Variants in PILRA observed in about 807,000 individuals in gnomAD.
PILRA encodes the protein paired immunoglobin like type 2 receptor alpha.
A neutral mutation model predicts 33.1 loss-of-function variants in PILRA; 37 were observed. The observed-to-expected ratio is 1.12, with a 90% CI of 0.86 to 1.47. The LOEUF (loss-of-function observed/expected upper bound fraction) is 1.47. Ranked by LOEUF, PILRA falls within the 40% of genes most tolerant of loss-of-function variation. The pLI is 0.00. For synonymous variants in PILRA, 146 were observed against 149.9 expected (o/e 0.97, Z 0.19); for missense variants, 312 against 376.2 (o/e 0.83, Z 1.41).
At chr7:100,375,271 G>C (rs908351097) in intron 2 of PILRA, among the ~76,000 whole-genome samples, 13 of 152,206 alleles carry the variant, frequency 8.5e-5, no homozygotes, top group African/African-American at 2.9e-4. Flanking sequence ...CCATGGCATG[G>C]CCCTGGCAAA....
At chr7:100,399,694 T>C in intron 6 of PILRA, 82 bp downstream of exon 6, 1 of 1,611,498 alleles carries the variant, frequency 6.2e-7, no homozygotes. Context: ...GAGTGTGGTG[T>C]GGGCAGGAGA....
chr7:100,386,620 C>A (rs755101463), intron 2 of PILRA, among the ~76,000 whole-genome samples: 80 of 151,860 alleles, frequency 5.3e-4, no homozygotes, highest in Non-Finnish European at 6.8e-4. Flanking sequence ...TGGGCTCAAG[C>A]GATCCTCCTC....
In PILRA at chr7:100,390,046, A is replaced by C. The variant is rs1791352792; in HGVS notation, c.613A>C (p.Thr205Pro). The change falls in exon 3 of 7, where the codon ACT (threonine) becomes CCT (proline). Residue 205 changes from threonine to proline, a missense_variant. Physicochemically the swap from Thr to Pro is conservative, Grantham distance 38 (BLOSUM62 -1). Coordinates refer to ENST00000198536, the MANE Select transcript of PILRA (RefSeq NM_013439.3). The part of the protein sequence containing the change: ...ETAVGVAVAV[T>P]VLGIMILGLI... ...TGCTGTGGGGGTGGCAGTGGCTGTC[A>C]CTGTGCTCGGAATCATGATTTTGGG... is the stretch of plus-strand genomic sequence containing the variant. 2 of 1,613,948 alleles carry C rather than the reference A, an allele frequency of 1.2e-6. No individual in the cohort carries two copies. Among genetic ancestry groups the C allele is most frequent in the Non-Finnish European group, 1.7e-6 (2 of 1,179,890 alleles).
At chr7:100,388,897 C>T (rs1026687568) in intron 2 of PILRA, among the ~76,000 whole-genome samples, 3 of 150,974 alleles carry the variant, frequency 2.0e-5, no homozygotes, top group Admixed American at 6.6e-5. Context: ...AGTTGTTTAA[C>T]ACGTGAAATG....
chr7:100,382,476 C>G (rs1441609209), intron 2 of PILRA, among the ~76,000 whole-genome samples: 1 of 152,092 alleles, frequency 6.6e-6, no homozygotes, highest in East Asian at 1.9e-4. Context: ...CTGTGTCTAG[C>G]TAATTTAGTG....
chr7:100,375,478 TCACAA>T (rs1273475633), intron 2 of PILRA, among the ~76,000 whole-genome samples: 13 of 152,308 alleles, frequency 8.5e-5, no homozygotes, highest in African/African-American at 3.1e-4. Flanking sequence ...ACGCCTGTAA[TCACAA>T]CACTTTGGGA....
chr7:100,374,266 G>A lies in PILRA; in HGVS notation c.287G>A (p.Arg96Gln), dbSNP rs1440402841. 2.0e-5 allele frequency: 33 copies of A among 1,614,000 alleles called. No individual in the cohort carries two copies. Among genetic ancestry groups the A allele is most frequent in the African/African-American group, 2.7e-5 (2 of 74,890 alleles). Reference sequence around the variant, plus strand: ...TCCATTCACAAGGATTATGTGAACCGGCTCTTTCTGAACTGGACAGAGGGT... The same window carrying A: ...TCCATTCACAAGGATTATGTGAACCAGCTCTTTCTGAACTGGACAGAGGGT... ...PPSIHKDYVN[R>Q]LFLNWTEGQK... is the part of the protein sequence containing the mutation. The change falls in exon 2 of 7, where the codon CGG becomes CAG. Residue 96 changes from arginine to glutamine, a missense_variant. Coordinates refer to ENST00000198536, the MANE Select transcript of PILRA (RefSeq NM_013439.3).
chr7:100,384,321 A>G (rs1315661418), intron 2 of PILRA, among the ~76,000 whole-genome samples: 1 of 151,648 alleles, frequency 6.6e-6, no homozygotes, highest in African/African-American at 2.4e-5. Context: ...GTGAACAGGT[A>G]GATCTCTGAG....
chr7:100,399,468 C>T (rs755893386), intron 5 of PILRA, 113 bp from the exon 6 acceptor site: 73 of 1,423,224 alleles, frequency 5.1e-5, no homozygotes, highest in African/African-American at 1.8e-4. Context: ...CTTGCCCTCA[C>T]GTGACCCTGG....
intron 2 of PILRA, among the ~76,000 whole-genome samples, chr7:100,375,224 G>C (rs73161753): frequency 0.17 from 26,191 of 152,134 alleles, 2,369 homozygotes; most frequent in South Asian, 0.32. Flanking sequence ...GGATGTGTCT[G>C]CAGAAGCAAG....
chr7:100,396,166 C>T (rs916794897), intron 3 of PILRA, among the ~76,000 whole-genome samples: 3 of 151,948 alleles, frequency 2.0e-5, no homozygotes, highest in Non-Finnish European at 4.4e-5. Context: ...CCATACGATC[C>T]AGCAATCCCA....
chr7:100,393,405 C>A (rs1791429344), intron 3 of PILRA, among the ~76,000 whole-genome samples: 1 of 151,906 alleles, frequency 6.6e-6, no homozygotes, highest in African/African-American at 2.4e-5. Context: ...GAAAGTTTGA[C>A]ATAGTCACTG....
chr7:100,382,080 G>GCCCGGTC (rs1439793655), intron 2 of PILRA, among the ~76,000 whole-genome samples: 15 of 148,080 alleles, frequency 1.0e-4, no homozygotes, highest in African/African-American at 3.7e-4. Flanking sequence ...GCTCCACGGC[G>GCCCGGTC]CCCGGTCCCA....
At chr7:100,376,108 C>G (rs896720259) in intron 2 of PILRA, 2 of 152,172 alleles carry the variant, frequency 1.3e-5, no homozygotes, top group African/African-American at 2.4e-5. Context: ...GGATAAATTA[C>G]TCTTCCCTGC....
intron 2 of PILRA, among the ~76,000 whole-genome samples, chr7:100,383,375 C>T (rs1301960964): frequency 6.6e-6 from 1 of 152,202 alleles, no homozygotes; most frequent in Non-Finnish European, 1.5e-5. Flanking sequence ...GATAGAAGAA[C>T]TGGGAGCAGA....
rs1377165914 is a variant in PILRA, at chr7:100,400,071, TAAC to T, written c.*167_*169del. On this transcript the variant is annotated 3_prime_UTR_variant, in exon 7 of 7. Transcript: ENST00000198536. Reference sequence around the variant, plus strand: ...GCCATCTCTAGTTAAAAATATATATTAACAATAAAGTAACAAATTTAAAAAGAT... The same window carrying T: ...GCCATCTCTAGTTAAAAATATATATTAATAAAGTAACAAATTTAAAAAGAT... 7.4e-6 allele frequency: 4 copies of T among 543,756 alleles called. No homozygotes were observed. The highest frequency in any genetic ancestry group is 4.3e-4 in the Middle Eastern group (1 of 2,308). 33.7% of individuals were successfully genotyped at this position (543,756 alleles called of 1,614,324 possible). A position where few individuals can be genotyped will look rare whatever the true frequency, so the allele number is the denominator to read the frequency against.
Position 100,374,099 on chromosome 7 carries a change from C to G in PILRA, c.120C>G (p.His40Gln). 1 of 1,614,136 alleles carries G rather than the reference C, an allele frequency of 6.2e-7. No homozygotes were observed. Among genetic ancestry groups the G allele is most frequent in the South Asian group, 1.1e-5 (1 of 91,086 alleles). ...SYLYGVTQPKHLSASMGGSVE... is the reference protein window; with the variant it reads ...SYLYGVTQPKQLSASMGGSVE... ...TTTATGGGGTCACTCAACCAAAACA[C>G]CTCTCAGCCTCCATGGGTGGCTCTG... The change falls in exon 2 of 7, where the codon CAC (histidine) becomes CAG (glutamine). Residue 40 changes from histidine to glutamine, a missense_variant. Transcript: ENST00000198536.
chr7:100,378,926 G>T (rs974538459), intron 2 of PILRA, among the ~76,000 whole-genome samples: 3 of 151,438 alleles, frequency 2.0e-5, no homozygotes, highest in Admixed American at 2.0e-4. Context: ...CCCCGTCTCT[G>T]CTCAAAGTAC....
At chr7:100,376,598 C>T (rs1291078706) in intron 2 of PILRA, among the ~76,000 whole-genome samples, 1 of 148,862 alleles carries the variant, frequency 6.7e-6, no homozygotes, top group East Asian at 2.0e-4. Context: ...TTCTCCCGCT[C>T]AGCCTCCAAG....
Sources: gnomAD v4.1 joint callset for allele counts (sites outside exome capture counted in the v4.1 genomes callset) on GRCh38, gnomAD v4.1.1 for gene constraint, MANE v1.5 for transcripts, NCBI Gene and HGNC (gene_info 2026-07-23, HGNC 2026-07-21) for gene names.